Variants in TTC7A observed in about 807,000 individuals in gnomAD.
TTC7A encodes tetratricopeptide repeat domain 7A.
In TTC7A, 110 loss-of-function variants were observed where a neutral mutation model predicts 103.7. The observed-to-expected ratio is 1.06, with a 90% CI of 0.91 to 1.24. TTC7A has a LOEUF of 1.24. Ranked by LOEUF, TTC7A falls within the 50% of genes most tolerant of loss-of-function variation. The pLI, the probability that TTC7A is intolerant of heterozygous loss-of-function variation, is 0.00. For missense variants in TTC7A, 1,340 were observed against 1,116.3 expected (o/e 1.20, Z -2.86); for synonymous variants, 521 against 467.9 (o/e 1.11, Z -1.47).
At chr2:47,029,755 ACAGT>A (rs1351539507) in intron 15 of TTC7A, among the ~76,000 whole-genome samples, 1 of 152,216 alleles carries the variant, frequency 6.6e-6, no homozygotes, top group Non-Finnish European at 1.5e-5. Flanking sequence ...TAGCCCTGAC[ACAGT>A]CAGCCAAGGA....
At chr2:47,060,727 T>TCCCCACCACTCACACCTCCCACTGCCC (rs1683700196) in intron 18 of TTC7A, 42 bp from the exon 19 acceptor site, 16 of 1,549,470 alleles carry the variant, frequency 1.0e-5, no homozygotes, top group Non-Finnish European at 1.2e-5. Context: ...TGCCTCTGAC[T>TCCCCACCACTCACACCTCCCACTGCCC]CCCCACCACT....
intron 18 of TTC7A, among the ~76,000 whole-genome samples, chr2:47,053,784 A>G (rs1322629290): frequency 1.3e-5 from 2 of 152,110 alleles, no homozygotes; most frequent in Admixed American, 6.5e-5. Flanking sequence ...CATGTTGGCC[A>G]CACTGGTTTC....
At chr2:46,962,502 C>A (rs1022359030) in intron 3 of TTC7A, among the ~76,000 whole-genome samples, 2 of 152,184 alleles carry the variant, frequency 1.3e-5, no homozygotes, top group East Asian at 3.9e-4. Flanking sequence ...CAAACACCTG[C>A]TGGGAATGCC....
chr2:46,961,566 G>A lies in TTC7A; in HGVS notation c.517+4559G>A, dbSNP rs1037426960. Among the ~76,000 whole-genome samples, 3 of 53,122 alleles carry A rather than the reference G, an allele frequency of 5.6e-5. No individual in the cohort carries two copies. The East Asian group carries it at 2.4e-3, about 42-fold the overall frequency. The allele number at this position is 53,122 out of a possible 152,430, so 34.9% of individuals were successfully genotyped here. A position where few individuals can be genotyped will look rare whatever the true frequency, so the allele number is the denominator to read the frequency against. On this transcript the variant is annotated intron_variant, in intron 3 of 19. Coordinates refer to ENST00000319190, the MANE Select transcript of TTC7A (RefSeq NM_020458.4). ...CACTCCAACCTGGGTGACAGAGCAA[G>A]ACTCCATCTCAAATAAATAAATAAA...
At chr2:46,935,711 C>T (rs1424892682) in intron 2 of TTC7A, among the ~76,000 whole-genome samples, 1 of 152,204 alleles carries the variant, frequency 6.6e-6, no homozygotes, top group Non-Finnish European at 1.5e-5. Context: ...TCCTCTGAGG[C>T]TCTTAAGCTT....
intron 1 of TTC7A, among the ~76,000 whole-genome samples, chr2:46,945,490 C>T (rs1199708302): frequency 1.3e-5 from 2 of 152,248 alleles, no homozygotes; most frequent in South Asian, 2.1e-4. Context: ...CCTCATGTTC[C>T]AGCCGCCTCG....
intron 1 of TTC7A, among the ~76,000 whole-genome samples, chr2:46,943,613 A>T (rs1166895037): frequency 6.6e-6 from 1 of 152,182 alleles, no homozygotes; most frequent in Non-Finnish European, 1.5e-5. Context: ...CCATGCGTAG[A>T]GCATTGTTTG....
At chr2:47,035,343 G>T (rs1237777216) in intron 15 of TTC7A, 1 of 152,230 alleles carries the variant, frequency 6.6e-6, no homozygotes, top group Non-Finnish European at 1.5e-5. Context: ...CAGCCCCTGA[G>T]GAAGACACCA....
chr2:46,968,048 C>G (rs546615176), intron 3 of TTC7A, among the ~76,000 whole-genome samples: 3 of 152,092 alleles, frequency 2.0e-5, no homozygotes, highest in Admixed American at 6.5e-5. Context: ...TGTTTTCTAC[C>G]TCTGCATCCA....
At chr2:46,974,832 T>A in intron 3 of TTC7A, 141 bp from the exon 4 acceptor site, 120 of 1,148,732 alleles carry the variant, frequency 1.0e-4, no homozygotes, top group East Asian at 2.6e-4. Context: ...GCTTCCTCCC[T>A]CCCCTCCGCA....
chr2:47,056,534 G>T (rs1683332696), intron 18 of TTC7A, among the ~76,000 whole-genome samples: 1 of 152,224 alleles, frequency 6.6e-6, no homozygotes, highest in South Asian at 2.1e-4. Flanking sequence ...AATAGCCCAT[G>T]GAAAGTGGGC....
chr2:46,938,951 T>C (rs1240180958), upstream of TTC7A, among the ~76,000 whole-genome samples: 1 of 151,260 alleles, frequency 6.6e-6, no homozygotes, highest in Non-Finnish European at 1.5e-5. Flanking sequence ...GCGGAGGTTG[T>C]TGTGAGCTGA....
intron 3 of TTC7A, among the ~76,000 whole-genome samples, chr2:46,972,906 G>A (rs1673497888): frequency 6.6e-6 from 1 of 152,230 alleles, no homozygotes; most frequent in Non-Finnish European, 1.5e-5. Context: ...AAAATATAGT[G>A]TAGAAAGTGG....
At position 47,007,188 on chromosome 2, in the gene TTC7A, A is replaced by G. The variant is rs891579786; in HGVS notation, c.1287+464A>G. On this transcript the variant is annotated intron_variant, in intron 10 of 19. Transcript: ENST00000319190. This position sits in a 1 kb window ranked among gnomAD's most constrained non-coding sequence, Gnocchi z 4.9. The stretch of plus-strand genomic sequence containing the variant: ...GGCAGAGCAGAACAGCAGCACCCAC[A>G]AGGGAGTTCGGAGGGAGTACTGCAT... 3.3e-5 allele frequency among the ~76,000 whole-genome samples: 5 copies of G among 152,094 alleles called. No individual in the cohort carries two copies. The highest frequency in any genetic ancestry group is 1.2e-4 in the African/African-American group (5 of 41,410).
chr2:46,966,231 G>C (rs1218289669), intron 3 of TTC7A, among the ~76,000 whole-genome samples: 1 of 152,156 alleles, frequency 6.6e-6, no homozygotes, highest in East Asian at 1.9e-4. Context: ...TTACAGGTGT[G>C]AGCCACTGTG....
intron 3 of TTC7A, among the ~76,000 whole-genome samples, chr2:46,963,593 A>C (rs950030269): frequency 6.6e-6 from 1 of 152,254 alleles, no homozygotes; most frequent in Non-Finnish European, 1.5e-5. Flanking sequence ...CAGTTTCTGC[A>C]TAACCAGACT....
chr2:46,929,524 A>G (rs1432104826), intron 2 of TTC7A, among the ~76,000 whole-genome samples: 1 of 152,212 alleles, frequency 6.6e-6, no homozygotes, highest in East Asian at 1.9e-4. Context: ...GCTCTTCTAA[A>G]TAACATGTAG....
intron 19 of TTC7A, among the ~76,000 whole-genome samples, chr2:47,064,725 G>A (rs1684051524): frequency 6.6e-6 from 1 of 152,174 alleles, no homozygotes; most frequent in African/African-American, 2.4e-5. Context: ...TCCCAGGAAG[G>A]GGGTTCCTTT....
At chr2:47,022,690 G>A (rs1292259279) in intron 12 of TTC7A, among the ~76,000 whole-genome samples, 1 of 152,120 alleles carries the variant, frequency 6.6e-6, no homozygotes, top group Non-Finnish European at 1.5e-5. Flanking sequence ...CAGTCACGGT[G>A]ACATCGGGTA....
Sources: gnomAD v4.1 joint callset for allele counts (sites outside exome capture counted in the v4.1 genomes callset) on GRCh38, gnomAD v4.1.1 for gene constraint, Gnocchi (gnomAD v3.1) non-coding constraint, MANE v1.5 for transcripts, NCBI Gene and HGNC (gene_info 2026-07-23, HGNC 2026-07-21) for gene names.